The following PLB1 variants were observed in gnomAD, a reference collection of about 807,000 sequenced individuals.
The protein encoded by PLB1 is phospholipase B1.
In PLB1, 242 loss-of-function variants were observed where a neutral mutation model predicts 227.4. The ratio of observed to expected loss-of-function variants is 1.06; its 90% CI spans 0.96 to 1.18. PLB1 has a LOEUF of 1.18. Among genes scored for constraint, PLB1 ranks in the 50% most tolerant of loss-of-function variants. PLB1 has a pLI of 0.00. For missense variants in PLB1, 1,858 were observed against 1,816.3 expected, an observed-to-expected ratio of 1.02 and a Z score of -0.42; for synonymous variants, 757 against 682.2, an observed-to-expected ratio of 1.11 and a Z score of -1.71.
At chr2:28,546,575 A>T (rs893993626) in intron 14 of PLB1, among the ~76,000 whole-genome samples, 13 of 152,186 alleles carry the variant, frequency 8.5e-5, no homozygotes, top group African/African-American at 3.1e-4. Context: ...TGGGACCCAC[A>T]GTGTGGCAGG....
Position 28,620,597 on chromosome 2 carries a change from C to T in PLB1, c.3384-3C>T, listed in dbSNP as rs1686901535. ...TTTAACAAATATGCTTTCTCCTCCC[C>T]AGCATTGGAGGGGATGGGAACTTGG... On this transcript the variant is annotated splice_region_variant and splice_polypyrimidine_tract_variant and intron_variant, in intron 47 of 57. Coordinates refer to ENST00000327757, the MANE Select transcript of PLB1 (RefSeq NM_153021.5). 6.2e-7 allele frequency: 1 copy of T among 1,613,028 alleles called. No homozygotes were observed. Among genetic ancestry groups the T allele is most frequent in the Admixed American group, 1.7e-5 (1 of 59,818 alleles).
intron 4 of PLB1, among the ~76,000 whole-genome samples, chr2:28,522,935 A>G (rs1011617402): frequency 6.6e-6 from 1 of 152,238 alleles, no homozygotes; most frequent in Non-Finnish European, 1.5e-5. Flanking sequence ...ATAATGGAAG[A>G]CAGTGAATTT....
chr2:28,594,737 C>T (rs1261511160), intron 33 of PLB1: 1 of 152,202 alleles, frequency 6.6e-6, no homozygotes, highest in Admixed American at 6.5e-5. Flanking sequence ...CTCTCAAGAA[C>T]AGAGGTCAGT....
intron 1 of PLB1, among the ~76,000 whole-genome samples, chr2:28,513,528 A>G (rs1668509824): frequency 6.6e-6 from 1 of 152,200 alleles, no homozygotes; most frequent in Non-Finnish European, 1.5e-5. Flanking sequence ...TCTGTTGCTC[A>G]TGATTTGACA....
chr2:28,525,764 A>G (rs1160759674), intron 5 of PLB1, 141 bp from the exon 6 acceptor site: 16 of 1,030,024 alleles, frequency 1.6e-5, no homozygotes, highest in Admixed American at 2.5e-5. Context: ...AGGTGTGCCT[A>G]TAACCCCTGG....
At chr2:28,630,845 G>T (rs1327649675) in intron 54 of PLB1, among the ~76,000 whole-genome samples, 181 bp downstream of exon 54, 1 of 152,148 alleles carries the variant, frequency 6.6e-6, no homozygotes, top group Non-Finnish European at 1.5e-5. Context: ...GGGAGTGAGA[G>T]ACCCCAAAGT....
intron 32 of PLB1, 157 bp downstream of exon 32, chr2:28,592,876 G>A (rs1230674120): frequency 7.8e-6 from 5 of 643,162 alleles, no homozygotes; most frequent in Non-Finnish European, 1.3e-5. Flanking sequence ...TTGATTTGCG[G>A]CCACTTTCTC....
intron 53 of PLB1, among the ~76,000 whole-genome samples, chr2:28,629,776 G>C (rs1688337786): frequency 6.6e-6 from 1 of 152,180 alleles, no homozygotes; most frequent in African/African-American, 2.4e-5. Context: ...GAGGCAAGGT[G>C]CTAATGGGCA....
At chr2:28,528,065 T>G (rs1490289859) in intron 6 of PLB1, among the ~76,000 whole-genome samples, 2 of 152,148 alleles carry the variant, frequency 1.3e-5, no homozygotes, top group African/African-American at 2.4e-5. Flanking sequence ...AGTTCATTAT[T>G]TTGGGTTAAG....
intron 23 of PLB1, among the ~76,000 whole-genome samples, chr2:28,581,498 T>A (rs747349500): frequency 0.035 from 2,470 of 70,860 alleles, 112 homozygotes; most frequent in African/African-American, 0.095. Context: ...AATAAATAAA[T>A]AAATAAATAA....
In PLB1 at chr2:28,603,966, C is replaced by T. The variant is rs772175963; in HGVS notation, c.2775C>T (p.Ser925=). 31 of 1,613,946 alleles carry T rather than the reference C, an allele frequency of 1.9e-5. No individual in the cohort carries two copies. Among genetic ancestry groups the T allele is most frequent in the Non-Finnish European group, 2.6e-5 (31 of 1,179,912 alleles). ...CTCCTGCCTCCCCCTCTTTGTGCAGCGTTTTGTGTAACTGCGTTCTGACCC... is the reference window on the plus strand; with the variant it reads ...CTCCTGCCTCCCCCTCTTTGTGCAGTGTTTTGTGTAACTGCGTTCTGACCC... ...NPDKCPVQQA[S]VLCNCVLTLR... The change falls in exon 40 of 58, where the codon AGC becomes AGT. Residue 925 remains serine (S), a splice_region_variant and synonymous_variant. Transcript: ENST00000327757.
chr2:28,587,769 C>T (rs1458627727), intron 26 of PLB1, among the ~76,000 whole-genome samples: 1 of 152,198 alleles, frequency 6.6e-6, no homozygotes, highest in Non-Finnish European at 1.5e-5. Flanking sequence ...AAGCCTCAGT[C>T]ACATACCCAC....
At chr2:28,581,540 T>TA (rs1680012183) in intron 23 of PLB1, among the ~76,000 whole-genome samples, 1 of 133,762 alleles carries the variant, frequency 7.5e-6, no homozygotes, top group African/African-American at 3.0e-5. Context: ...TAAATAAAAT[T>TA]AAAAAAAGAG....
At chr2:28,621,842 C>A (rs1322274204) in intron 49 of PLB1, among the ~76,000 whole-genome samples, 3 of 151,076 alleles carry the variant, frequency 2.0e-5, no homozygotes, top group Non-Finnish European at 4.4e-5. Flanking sequence ...ATAGCAACAT[C>A]TAATTACTGT....
intron 20 of PLB1, among the ~76,000 whole-genome samples, chr2:28,570,007 T>G (rs1677744043): frequency 6.6e-6 from 1 of 150,762 alleles, no homozygotes; most frequent in Admixed American, 6.6e-5. Context: ...CTGAATAGAT[T>G]TATAACAAGC....
chr2:28,558,197 C>G (rs902164635), intron 17 of PLB1, among the ~76,000 whole-genome samples: 5 of 151,460 alleles, frequency 3.3e-5, no homozygotes, highest in African/African-American at 7.3e-5. Context: ...TGTTTTCTGC[C>G]TGCTACAAAT....
chr2:28,562,113 G>A (rs1374853371), intron 17 of PLB1, among the ~76,000 whole-genome samples: 1 of 152,194 alleles, frequency 6.6e-6, no homozygotes, highest in Non-Finnish European at 1.5e-5. Flanking sequence ...ATGGGTTATA[G>A]GGTCTCATTT....
At chr2:28,553,070 GAA>G in intron 17 of PLB1, 79 bp downstream of exon 17, 2 of 1,238,850 alleles carry the variant, frequency 1.6e-6, no homozygotes, top group South Asian at 2.4e-5. Context: ...CACATAACCT[GAA>G]ATACTCCCGA....
At chr2:28,516,721 T>C in intron 1 of PLB1, 87 bp from the exon 2 acceptor site, 1 of 1,188,402 alleles carries the variant, frequency 8.4e-7, no homozygotes, top group Non-Finnish European at 1.2e-6. Flanking sequence ...CACACAGATA[T>C]GGCTAGGAGG....
Sources: allele counts gnomAD v4.1 joint callset (sites outside exome capture counted in the v4.1 genomes callset), GRCh38; gene constraint gnomAD v4.1.1; transcripts MANE v1.5; gene names NCBI Gene and HGNC (gene_info 2026-07-23, HGNC 2026-07-21).